Variants in CCDC102B observed in about 807,000 individuals in gnomAD.
CCDC102B encodes the protein coiled-coil domain-containing protein 102B.
A neutral mutation model predicts 57.4 loss-of-function variants in CCDC102B; 75 were observed. That is an observed-to-expected ratio of 1.31 (90% confidence interval 1.08 to 1.58). CCDC102B has a LOEUF of 1.58. CCDC102B is among the 40% of genes most tolerant of loss of function. The pLI is 0.00. For missense variants in CCDC102B, 636 were observed against 582.6 expected, an observed-to-expected ratio of 1.09 and a Z score of -0.94; for synonymous variants, 206 against 201.9, an observed-to-expected ratio of 1.02 and a Z score of -0.17.
intron 3 of CCDC102B, among the ~76,000 whole-genome samples, chr18:68,840,560 C>T (rs2037584375): frequency 6.6e-6 from 1 of 152,100 alleles, no homozygotes; most frequent in South Asian, 2.1e-4. Context: ...TAGTAGAAAA[C>T]AGAATAAAAA....
chr18:68,930,843 A>G (rs2041648008), intron 6 of CCDC102B, among the ~76,000 whole-genome samples: 1 of 151,964 alleles, frequency 6.6e-6, no homozygotes, highest in Admixed American at 6.6e-5. Flanking sequence ...TGAAAAGTAA[A>G]CAGGAATAAG....
At chr18:68,981,918 A>T (rs2050594687) in intron 6 of CCDC102B, among the ~76,000 whole-genome samples, 1 of 152,024 alleles carries the variant, frequency 6.6e-6, no homozygotes, top group Middle Eastern at 3.4e-3. Context: ...AAGGACATGA[A>T]CTCATCCTTT....
intron 7 of CCDC102B, among the ~76,000 whole-genome samples, chr18:69,053,587 A>G (rs931438065): frequency 1.1e-4 from 17 of 151,840 alleles, no homozygotes; most frequent in African/African-American, 4.1e-4. Context: ...ATGCACATAT[A>G]CAAAAGAAAC....
chr18:68,725,707 C>T lies in CCDC102B; in HGVS notation c.-67+9113C>T, dbSNP rs150512200. Among the ~76,000 whole-genome samples, 75 of 152,292 alleles carry T rather than the reference C, an allele frequency of 4.9e-4. 2 individuals are homozygous for T. The East Asian group carries it at 0.013, about 27-fold the overall frequency. ...GCCTGTGTGGTTATTTTGGGTCTCCCTGAATAATCCAAGATTCTCTCCATA... is the reference window on the plus strand; with the variant it reads ...GCCTGTGTGGTTATTTTGGGTCTCCTTGAATAATCCAAGATTCTCTCCATA... On this transcript the variant is annotated intron_variant, in intron 2 of 3. Transcript: ENST00000578970.
At chr18:68,850,787 C>G (rs1258633574) in intron 4 of CCDC102B, among the ~76,000 whole-genome samples, 2 of 152,090 alleles carry the variant, frequency 1.3e-5, no homozygotes, top group Non-Finnish European at 2.9e-5. Flanking sequence ...TCTTCCTGCT[C>G]AATGGCTGGG....
intron 1 of CCDC102B, 55 bp from the exon 2 acceptor site, chr18:68,836,694 C>A: frequency 1.3e-5 from 14 of 1,103,362 alleles, no homozygotes; most frequent in Non-Finnish European, 1.6e-5. Context: ...AGGTCTTGTT[C>A]CTGTATTTAC....
At chr18:68,828,263 G>T (rs1425561133) in intron 1 of CCDC102B, among the ~76,000 whole-genome samples, 2 of 126,926 alleles carry the variant, frequency 1.6e-5, no homozygotes, top group African/African-American at 5.9e-5. Context: ...CCATACAATT[G>T]CAGAATATAC....
At chr18:68,999,441 A>C (rs1487266220) in intron 6 of CCDC102B, among the ~76,000 whole-genome samples, 1 of 147,506 alleles carries the variant, frequency 6.8e-6, no homozygotes, top group Non-Finnish European at 1.5e-5. Context: ...TACTGAAAAT[A>C]GTAAAAAAAA....
intron 7 of CCDC102B, among the ~76,000 whole-genome samples, chr18:69,047,158 T>C (rs905246335): frequency 6.6e-6 from 1 of 152,096 alleles, no homozygotes. Flanking sequence ...CAAAAAGTCC[T>C]CAACAAAATA....
intron 2 of CCDC102B, among the ~76,000 whole-genome samples, chr18:68,738,294 A>G (rs535236214): frequency 5.9e-5 from 9 of 152,280 alleles, no homozygotes; most frequent in East Asian, 1.9e-4. Flanking sequence ...CTACAGAAAT[A>G]TGTAGCAAAG....
chr18:68,844,546 T>C (rs2037774208), intron 3 of CCDC102B, among the ~76,000 whole-genome samples: 2 of 151,842 alleles, frequency 1.3e-5, no homozygotes, highest in Non-Finnish European at 1.5e-5. Context: ...CTTAGTACAA[T>C]TTTATTATAA....
intron 3 of CCDC102B, among the ~76,000 whole-genome samples, chr18:68,845,174 T>A (rs778753790): frequency 6.6e-6 from 1 of 151,914 alleles, no homozygotes; most frequent in Non-Finnish European, 1.5e-5. Flanking sequence ...ATTTACAGCC[T>A]AACACTACTT....
At chr18:68,764,828 G>T (rs1477534326) in intron 2 of CCDC102B, among the ~76,000 whole-genome samples, 1 of 151,714 alleles carries the variant, frequency 6.6e-6, no homozygotes, top group African/African-American at 2.4e-5. Context: ...TTGAGCCCAG[G>T]AGTTTGAGAC....
intron 7 of CCDC102B, among the ~76,000 whole-genome samples, chr18:69,013,667 G>A (rs766511889): frequency 6.6e-5 from 10 of 152,162 alleles, no homozygotes; most frequent in Admixed American, 3.9e-4. Context: ...ATGAGCTTGT[G>A]ATTTTTAGGT....
At position 68,735,574 on chromosome 18, in the gene CCDC102B, C is replaced by T. The variant is rs540363419; in HGVS notation, c.-67+18980C>T. On this transcript the variant is annotated intron_variant, in intron 2 of 3. Transcript: ENST00000578970. ...GCCTTGCATGTTCTAAAATTTCTCT[C>T]TAGCATTTCCAGGCATAGTTTTTCT... 1.2e-3 allele frequency among the ~76,000 whole-genome samples: 180 copies of T among 152,248 alleles called. 1 individual carries two copies. Among genetic ancestry groups the T allele is most frequent in the African/African-American group, 4.0e-3 (167 of 41,534 alleles).
At chr18:68,932,630 C>T (rs1022455730) in intron 6 of CCDC102B, among the ~76,000 whole-genome samples, 7 of 151,922 alleles carry the variant, frequency 4.6e-5, no homozygotes, top group Admixed American at 4.6e-4. Flanking sequence ...ACCTATTCAA[C>T]AATATCTTAG....
intron 2 of CCDC102B, among the ~76,000 whole-genome samples, chr18:68,736,847 G>A (rs1033320081): frequency 9.2e-5 from 14 of 152,014 alleles, no homozygotes; most frequent in Non-Finnish European, 1.3e-4. Context: ...TGAGATTTGG[G>A]TGGGGACACA....
chr18:68,905,438 T>G (rs575303438), intron 6 of CCDC102B, among the ~76,000 whole-genome samples: 115 of 151,364 alleles, frequency 7.6e-4, no homozygotes, highest in Non-Finnish European at 1.4e-3. Flanking sequence ...AATCATAAGA[T>G]TAGTGTAAAC....
intron 7 of CCDC102B, among the ~76,000 whole-genome samples, chr18:69,043,139 G>A (rs8088615): frequency 0.033 from 4,958 of 152,116 alleles, 282 homozygotes; most frequent in African/African-American, 0.11. Flanking sequence ...TCATAGACAA[G>A]GTAAAGGATT....
Sources: allele counts gnomAD v4.1 joint callset (sites outside exome capture counted in the v4.1 genomes callset), GRCh38; gene constraint gnomAD v4.1.1; transcripts MANE v1.5; gene names NCBI Gene and HGNC (gene_info 2026-07-23, HGNC 2026-07-21).